Variants in NDE1 observed in about 807,000 individuals in gnomAD.
The protein encoded by NDE1 is nudE neurodevelopment protein 1.
A neutral mutation model predicts 43.4 loss-of-function variants in NDE1; 28 were observed. The ratio of observed to expected loss-of-function variants is 0.65; its 90% confidence interval spans 0.48 to 0.89. The LOEUF is 0.89. Among genes scored for constraint, NDE1 ranks in the 40% least tolerant of loss-of-function variants. The probability of loss-of-function intolerance (pLI) is 0.00; values close to 1 mark genes in which losing one functional copy is unlikely to be tolerated. For synonymous variants in NDE1, 184 were observed against 172.0 expected, an observed-to-expected ratio of 1.07 and a Z score of -0.55; for missense variants, 441 against 434.1, an observed-to-expected ratio of 1.02 and a Z score of -0.14.
chr16:15,665,759 CTTT>C (rs77651053), intron 2 of NDE1, among the ~76,000 whole-genome samples: 2 of 135,434 alleles, frequency 1.5e-5, no homozygotes, highest in Non-Finnish European at 1.6e-5. Context: ...ATCTTATTTT[CTTT>C]TTTTTTTTTT....
In NDE1 at chr16:15,725,995, A is replaced by G. The variant is rs2040735597; in HGVS notation, c.*1744A>G. ...AACCCCAGCTGGGCACTCCAGCTCT[A>G]CTGGCTGTATGTCTCTCTCCTAATT... On this transcript the variant is annotated 3_prime_UTR_variant, in exon 9 of 9. Transcript: ENST00000396354. The G allele has an allele frequency of 6.6e-6, 2 of 303,354 alleles. No individual in the cohort carries two copies. Among genetic ancestry groups the G allele is most frequent in the Non-Finnish European group, 1.2e-5 (2 of 166,760 alleles). The allele number at this position is 303,354 out of a possible 1,614,324, so 18.8% of individuals were successfully genotyped here. A position where few individuals can be genotyped will look rare whatever the true frequency, so the allele number is the denominator to read the frequency against.
chr16:15,655,340 A>G (rs1316093016), intron 1 of NDE1, among the ~76,000 whole-genome samples: 2 of 151,850 alleles, frequency 1.3e-5, no homozygotes, highest in Non-Finnish European at 2.9e-5. Flanking sequence ...TTTAGTAGAG[A>G]CGGGGTTCAC....
At chr16:15,712,532 G>C (rs750380267) in intron 8 of NDE1, among the ~76,000 whole-genome samples, 5 of 152,024 alleles carry the variant, frequency 3.3e-5, no homozygotes, top group Admixed American at 1.3e-4. Context: ...GGAGGCAGAG[G>C]TTGCAGTGAG....
chr16:15,646,587 GA>G (rs571956576), upstream of NDE1, among the ~76,000 whole-genome samples: 38 of 145,196 alleles, frequency 2.6e-4, no homozygotes, highest in East Asian at 8.1e-4. Context: ...TCAAAAAAAA[GA>G]AAAAAAAAAT....
intron 8 of NDE1, chr16:15,708,893 C>A: frequency 2.0e-6 from 3 of 1,529,534 alleles, no homozygotes; most frequent in South Asian, 1.2e-5. Context: ...CAAGAAGGAG[C>A]CCGGTTAAGT....
At chr16:15,646,835 G>A (rs1190613526), upstream of NDE1, among the ~76,000 whole-genome samples, 1 of 152,074 alleles carries the variant, frequency 6.6e-6, no homozygotes, top group Non-Finnish European at 1.5e-5. Context: ...TGGAGCACTT[G>A]AGGTCAGGAG....
chr16:15,724,284 A>T lies in NDE1; in HGVS notation c.*33A>T, dbSNP rs2075511. On this transcript the variant is annotated 3_prime_UTR_variant, in exon 9 of 9. Transcript: ENST00000396354. ...TCTTGGTCTTTTCCAGTTTATCATA[A>T]GCGGCCGCCTTCTCCTCGTACTGCT... 1.5e-5 allele frequency: 25 copies of T among 1,613,804 alleles called. No individual in the cohort carries two copies. The highest frequency in any genetic ancestry group is 1.9e-5 in the Non-Finnish European group (22 of 1,179,978).
chr16:15,644,503 C>A (rs1238440348), intron 1 of NDE1, among the ~76,000 whole-genome samples: 1 of 152,130 alleles, frequency 6.6e-6, no homozygotes, highest in African/African-American at 2.4e-5. Flanking sequence ...GTGGGCTGGG[C>A]GCAGTGGCTC....
upstream of NDE1, among the ~76,000 whole-genome samples, chr16:15,646,441 C>CGTG (rs1186270194): frequency 6.6e-6 from 1 of 152,004 alleles, no homozygotes; most frequent in African/African-American, 2.4e-5. Context: ...ATTAGCTGGA[C>CGTG]GTGGTGGTGC....
chr16:15,708,570 C>T (rs757677609), intron 8 of NDE1, among the ~76,000 whole-genome samples: 21 of 152,218 alleles, frequency 1.4e-4, no homozygotes, highest in Non-Finnish European at 2.5e-4. Flanking sequence ...TGTCATGTCA[C>T]ATGTGCTGCC....
chr16:15,679,220 T>G (rs1248442686), intron 4 of NDE1, among the ~76,000 whole-genome samples: 1 of 152,182 alleles, frequency 6.6e-6, no homozygotes, highest in African/African-American at 2.4e-5. Flanking sequence ...AGCCTGAAAC[T>G]TCTGGGAGCA....
At position 15,715,334 on chromosome 16, in the gene NDE1, G is replaced by A. The variant is rs1261256682; in HGVS notation, c.948-8857G>A. On this transcript the variant is annotated intron_variant, in intron 8 of 8. Transcript: ENST00000396354. ...GGGTGGCACCCCTTGTAGCTGGTGT[G>A]TCACCTGGAGGTGGCATCTTGAGTG... 16 of 1,537,474 alleles carry A rather than the reference G, an allele frequency of 1.0e-5. No homozygotes were observed. The African/African-American group carries it at 2.1e-4, about 20-fold the overall frequency.
At chr16:15,667,479 C>G in intron 3 of NDE1, 40 bp downstream of exon 3, 1 of 1,610,510 alleles carries the variant, frequency 6.2e-7, no homozygotes, top group Non-Finnish European at 8.5e-7. Context: ...TGTAGACAGG[C>G]GTCCAACACA....
At chr16:15,721,527 G>A (rs1374899050) in intron 8 of NDE1, 1 of 1,614,182 alleles carries the variant, frequency 6.2e-7, no homozygotes, top group South Asian at 1.1e-5. Context: ...CCTCTTCAAG[G>A]GCCCGAGCCA....
At chr16:15,676,296 G>A (rs1374506432) in intron 3 of NDE1, among the ~76,000 whole-genome samples, 3 of 133,414 alleles carry the variant, frequency 2.2e-5, no homozygotes, top group Admixed American at 8.4e-5. Context: ...TGCAACCTCC[G>A]CCTCCCGTGT....
Position 15,668,195 on chromosome 16 carries a change from C to T in NDE1, c.237+756C>T, listed in dbSNP as rs546891042. ...TGGCCAACATGATGAAACCCTGTCT[C>T]TACTAAAATTACAAATATTAGCTGG... On this transcript the variant is annotated intron_variant, in intron 3 of 8. Coordinates refer to ENST00000396354, the MANE Select transcript of NDE1 (RefSeq NM_017668.3). Among the ~76,000 whole-genome samples the T allele has an allele frequency of 2.6e-5, 4 of 152,236 alleles. No homozygotes were observed. The South Asian group carries it at 8.3e-4, about 32-fold the overall frequency.
chr16:15,719,859 C>G, intron 8 of NDE1: 1 of 1,265,480 alleles, frequency 7.9e-7, no homozygotes. Context: ...CTCTCAGTTC[C>G]AGGTGGCTGG....
chr16:15,670,802 C>G (rs976069785), intron 3 of NDE1, among the ~76,000 whole-genome samples: 1 of 151,992 alleles, frequency 6.6e-6, no homozygotes, highest in Admixed American at 6.6e-5. Flanking sequence ...CCATCACAGA[C>G]GTGGACAAGA....
At chr16:15,718,076 A>C (rs1252136701) in intron 8 of NDE1, 6 of 617,136 alleles carry the variant, frequency 9.7e-6, no homozygotes, top group East Asian at 8.6e-5. Context: ...AGGTACGGGG[A>C]GCCAGCCACG....
Sources: allele counts gnomAD v4.1 joint callset (sites outside exome capture counted in the v4.1 genomes callset), GRCh38; gene constraint gnomAD v4.1.1; transcripts MANE v1.5; gene names NCBI Gene and HGNC (gene_info 2026-07-23, HGNC 2026-07-21).